SMAP1: variants seen among roughly 807,000 people sequenced by gnomAD.
SMAP1 encodes the protein small ArfGAP 1.
Under a neutral mutation model 58.5 loss-of-function variants are expected in SMAP1, and 24 were observed. The ratio of observed to expected loss-of-function variants is 0.41; its 90% CI spans 0.30 to 0.58. The LOEUF is 0.58. Among genes scored for constraint, SMAP1 ranks in the 20% least tolerant of loss-of-function variants. SMAP1 has a pLI of 0.29. For synonymous variants in SMAP1, 216 were observed against 196.6 expected, an observed-to-expected ratio of 1.10 and a Z score of -0.82; for missense variants, 563 against 566.3, an observed-to-expected ratio of 0.99 and a Z score of 0.06.
chr6:70,753,622 C>T (rs1487334393), intron 2 of SMAP1, among the ~76,000 whole-genome samples: 1 of 152,096 alleles, frequency 6.6e-6, no homozygotes, highest in East Asian at 1.9e-4. Context: ...ATTAACTCTT[C>T]TTATGCTAAC....
At chr6:70,689,869 G>T (rs1767086222) in intron 1 of SMAP1, among the ~76,000 whole-genome samples, 1 of 151,922 alleles carries the variant, frequency 6.6e-6, no homozygotes, top group Non-Finnish European at 1.5e-5. Flanking sequence ...ATTATTACTA[G>T]TATATAGAAA....
At chr6:70,847,905 GTGTT>G (rs767181744) in intron 7 of SMAP1, among the ~76,000 whole-genome samples, 7 of 152,136 alleles carry the variant, frequency 4.6e-5, no homozygotes, top group East Asian at 1.9e-4. Flanking sequence ...GTGTGTGTGT[GTGTT>G]TGTGTGACTA....
chr6:70,742,175 G>C (rs185617361), intron 2 of SMAP1, among the ~76,000 whole-genome samples: 1 of 152,200 alleles, frequency 6.6e-6, no homozygotes, highest in African/African-American at 2.4e-5. Flanking sequence ...TTCTGCAACC[G>C]GGTTGAATTT....
chr6:70,820,486 C>T (rs1210465514), intron 6 of SMAP1, among the ~76,000 whole-genome samples: 5 of 152,138 alleles, frequency 3.3e-5, no homozygotes, highest in Middle Eastern at 6.8e-3. Flanking sequence ...CCGAGGCGGG[C>T]GGATCATGAG....
At chr6:70,680,775 G>A (rs1232930226) in intron 1 of SMAP1, among the ~76,000 whole-genome samples, 1 of 129,662 alleles carries the variant, frequency 7.7e-6, no homozygotes, top group Non-Finnish European at 1.6e-5. Context: ...CTGGAGTGCA[G>A]TGGTATGATC....
intron 2 of SMAP1, among the ~76,000 whole-genome samples, chr6:70,750,316 T>C (rs2149883995): frequency 6.6e-6 from 1 of 152,346 alleles, no homozygotes. Context: ...CTACCTACTT[T>C]CTTTTTATCT....
chr6:70,809,312 A>G lies in SMAP1; in HGVS notation c.576+10575A>G, dbSNP rs982042641. On this transcript the variant is annotated intron_variant, in intron 6 of 10. Transcript: ENST00000370455. ...AATGATTTAAAAAAAATTAGTTGGG[A>G]AAGAAATGAAAACAACCATCAAACT... Among the ~76,000 whole-genome samples the G allele has an allele frequency of 1.3e-4, 20 of 152,318 alleles. 1 individual carries two copies. The highest frequency in any genetic ancestry group is 6.8e-3 in the Middle Eastern group (2 of 294).
intron 4 of SMAP1, among the ~76,000 whole-genome samples, chr6:70,785,140 T>C (rs1161843701): frequency 6.6e-6 from 1 of 152,104 alleles, no homozygotes; most frequent in Non-Finnish European, 1.5e-5. Flanking sequence ...GAACTCAGGA[T>C]TAAGAAACTC....
chr6:70,856,950 A>T lies in SMAP1; in HGVS notation c.881A>T (p.Glu294Val), dbSNP rs1158370309. The change falls in exon 9 of 11, where the codon GAA becomes GTA. Residue 294 changes from glutamate (E) to valine (V), a missense_variant. Physicochemically the swap from Glu to Val is moderately radical, Grantham distance 121 (BLOSUM62 -2). Coordinates refer to ENST00000370455, the MANE Select transcript of SMAP1 (RefSeq NM_001044305.3). Reference protein sequence around the residue: ...LFTEQTTKSEEVAKKQLSKDS... With the variant: ...LFTEQTTKSEVVAKKQLSKDS... ...ACTGAGCAAACTACAAAATCAGAAG[A>T]AGTGGCAAAGAAACAACTTTCCAAA... The T allele has an allele frequency of 1.2e-6, 2 of 1,613,904 alleles. No individual in the cohort carries two copies. Among genetic ancestry groups the T allele is most frequent in the African/African-American group, 2.7e-5 (2 of 74,934 alleles).
chr6:70,778,037 C>A (rs1767615675), intron 4 of SMAP1, among the ~76,000 whole-genome samples: 1 of 152,088 alleles, frequency 6.6e-6, no homozygotes, highest in South Asian at 2.1e-4. Flanking sequence ...CAGGCATGAG[C>A]CACCACACCC....
Position 70,668,150 on chromosome 6 carries a change from G to C in SMAP1, c.118+9G>C, listed in dbSNP as rs1327949035. 1 of 1,593,210 alleles carries C rather than the reference G, an allele frequency of 6.3e-7. No individual in the cohort carries two copies. Among genetic ancestry groups the C allele is most frequent in the Non-Finnish European group, 8.5e-7 (1 of 1,170,944 alleles). ...CGACTGCGAGGCCAAAGGTAGCTTG[G>C]ACGTCGTCGCTGCCCACGGTCGGGG... On this transcript the variant is annotated intron_variant, in intron 1 of 10. Transcript: ENST00000370455.
chr6:70,849,907 A>T (rs1771122233), intron 7 of SMAP1, among the ~76,000 whole-genome samples: 1 of 152,196 alleles, frequency 6.6e-6, no homozygotes, highest in Non-Finnish European at 1.5e-5. Context: ...AACATTGAAT[A>T]AGATTACAAT....
At chr6:70,813,363 C>G (rs549573053) in intron 6 of SMAP1, among the ~76,000 whole-genome samples, 15 of 151,956 alleles carry the variant, frequency 9.9e-5, no homozygotes, top group African/African-American at 3.6e-4. Context: ...GTGAGAACAG[C>G]AATGAATTGA....
intron 6 of SMAP1, among the ~76,000 whole-genome samples, chr6:70,826,962 AAAAAG>A (rs1394710047): frequency 6.9e-5 from 10 of 144,022 alleles, no homozygotes; most frequent in Admixed American, 4.1e-4. Context: ...AAAAAAAAAG[AAAAAG>A]AAAAGAAAAA....
At chr6:70,769,568 T>C (rs367576465) in intron 3 of SMAP1, among the ~76,000 whole-genome samples, 8 of 151,252 alleles carry the variant, frequency 5.3e-5, no homozygotes, top group South Asian at 2.1e-4. Context: ...GAGACTAGGA[T>C]TGCAACCCCT....
intron 4 of SMAP1, among the ~76,000 whole-genome samples, chr6:70,777,328 C>G (rs572074040): frequency 3.8e-4 from 58 of 152,296 alleles, no homozygotes; most frequent in African/African-American, 1.4e-3. Flanking sequence ...GGAGCTGTTC[C>G]TATTCGGCCA....
rs576801558 is a variant in SMAP1, at chr6:70,835,412, A to G, written c.577-1529A>G. Among the ~76,000 whole-genome samples the G allele has an allele frequency of 6.2e-4, 94 of 152,338 alleles. 1 individual carries two copies. In the South Asian group the frequency reaches 0.019, roughly 31 times the overall value. ...CTAATAGCTAACAAAAAATGAACTC[A>G]TGTAACAACTAAGTTGTGAATTCTT... On this transcript the variant is annotated intron_variant, in intron 6 of 10. Transcript: ENST00000370455.
chr6:70,808,422 T>C (rs1407305461), intron 6 of SMAP1, among the ~76,000 whole-genome samples: 1 of 152,216 alleles, frequency 6.6e-6, no homozygotes, highest in Non-Finnish European at 1.5e-5. Flanking sequence ...ATGAAAACTT[T>C]ATTTTTAAAA....
At chr6:70,794,830 C>T (rs986167546) in intron 5 of SMAP1, among the ~76,000 whole-genome samples, 2 of 149,838 alleles carry the variant, frequency 1.3e-5, no homozygotes, top group Non-Finnish European at 3.0e-5. Context: ...ACTCTGTCGC[C>T]CAGGTTGGAG....
Sources: allele counts gnomAD v4.1 joint callset (sites outside exome capture counted in the v4.1 genomes callset), GRCh38; gene constraint gnomAD v4.1.1; transcripts MANE v1.5; gene names NCBI Gene and HGNC (gene_info 2026-07-23, HGNC 2026-07-21).